The following CCDC93 variants were observed in gnomAD, a reference collection of about 807,000 sequenced individuals.
CCDC93 encodes coiled-coil domain-containing protein 93.
CCDC93 carries 61 observed loss-of-function variants against 108.2 expected under a neutral mutation model. The observed-to-expected ratio is 0.56, with a 90% confidence interval of 0.46 to 0.70. The LOEUF is 0.70. Ranked by LOEUF, CCDC93 falls within the 30% of genes least tolerant of loss-of-function variation. The pLI is 0.00. For synonymous variants in CCDC93, 276 were observed against 260.4 expected, an observed-to-expected ratio of 1.06 and a Z score of -0.58; for missense variants, 685 against 764.2, an observed-to-expected ratio of 0.90 and a Z score of 1.22.
At chr2:118,000,528 A>T (rs1317326681) in intron 4 of CCDC93, among the ~76,000 whole-genome samples, 1 of 152,220 alleles carries the variant, frequency 6.6e-6, no homozygotes, top group Non-Finnish European at 1.5e-5. Context: ...ATAGGTCAAA[A>T]GGGAACAGAG....
At chr2:117,969,708 T>C (rs1042988788) in intron 11 of CCDC93, among the ~76,000 whole-genome samples, 1 of 141,450 alleles carries the variant, frequency 7.1e-6, no homozygotes, top group Non-Finnish European at 1.6e-5. Context: ...TATGAGTATG[T>C]CCGAACATGG....
chr2:117,927,361 C>G (rs1442857867), intron 23 of CCDC93, among the ~76,000 whole-genome samples: 3 of 152,104 alleles, frequency 2.0e-5, no homozygotes, highest in Non-Finnish European at 4.4e-5. Context: ...GATTGTATAT[C>G]TAGAAAACCC....
Position 118,006,930 on chromosome 2 carries a change from T to A in CCDC93, c.157-114A>T, listed in dbSNP as rs546612672. 21 of 654,356 alleles carry A rather than the reference T, an allele frequency of 3.2e-5. 1 individual carries two copies. In the South Asian group the frequency reaches 3.9e-4, roughly 12 times the overall value. The allele number at this position is 654,356 out of a possible 1,614,324, so 40.5% of individuals were successfully genotyped here. A position where few individuals can be genotyped will look rare whatever the true frequency, so the allele number is the denominator to read the frequency against. On this transcript the variant is annotated intron_variant, in intron 2 of 23. Coordinates refer to ENST00000376300, the MANE Select transcript of CCDC93 (RefSeq NM_019044.5). The stretch of plus-strand genomic sequence containing the variant: ...AATAGACTCAGTAAACATACAAAAT[T>A]ATATATCTTGAGAGAGAGAGTGTGT...
chr2:118,003,722 G>A (rs1215310452), intron 3 of CCDC93, among the ~76,000 whole-genome samples: 1 of 152,042 alleles, frequency 6.6e-6, no homozygotes, highest in Non-Finnish European at 1.5e-5. Context: ...GCTATCACGG[G>A]TCATCCTAGG....
Position 117,915,968 on chromosome 2 carries a change from G to A in CCDC93, c.*4375C>T, listed in dbSNP as rs991899169. 6.6e-6 allele frequency: 1 copy of A among 152,172 alleles called. No homozygotes were observed. Among genetic ancestry groups the A allele is most frequent in the Non-Finnish European group, 1.5e-5 (1 of 68,030 alleles). The allele number at this position is 152,172 out of a possible 1,614,324, so 9.4% of individuals were successfully genotyped here. A position where few individuals can be genotyped will look rare whatever the true frequency, so the allele number is the denominator to read the frequency against. The stretch of plus-strand genomic sequence containing the variant: ...CCATAATGTATTTAACCATTCCCCT[G>A]TATTGGTGGCACTCTCCAACTTTTT... On this transcript the variant is annotated 3_prime_UTR_variant, in exon 24 of 24. Transcript: ENST00000376300.
intron 10 of CCDC93, 131 bp from the exon 11 acceptor site, chr2:117,974,125 G>A (rs1679855738): frequency 1.4e-6 from 1 of 712,264 alleles, no homozygotes; most frequent in Non-Finnish European, 2.5e-6. Context: ...AAATAATTTG[G>A]CTTTGCCACA....
chr2:117,944,776 A>G (rs1250378902), intron 17 of CCDC93: 2 of 471,188 alleles, frequency 4.2e-6, no homozygotes, highest in South Asian at 3.1e-5. Context: ...ACTTCACTGG[A>G]AGAGTGCTGA....
intron 23 of CCDC93, among the ~76,000 whole-genome samples, chr2:117,928,196 C>T (rs1334243836): frequency 4.6e-5 from 7 of 152,312 alleles, no homozygotes; most frequent in African/African-American, 1.7e-4. Flanking sequence ...AGGACATAGG[C>T]ATGGGCAAGG....
intron 12 of CCDC93, among the ~76,000 whole-genome samples, chr2:117,957,873 T>C (rs940697103): frequency 6.6e-6 from 1 of 152,084 alleles, no homozygotes; most frequent in African/African-American, 2.4e-5. Context: ...TTCCTAGACT[T>C]CTCCTTCAAG....
intron 11 of CCDC93, among the ~76,000 whole-genome samples, chr2:117,961,216 C>G (rs901900452): frequency 6.6e-6 from 1 of 152,000 alleles, no homozygotes; most frequent in Non-Finnish European, 1.5e-5. Context: ...GACAACCATA[C>G]AGAGAGAAAA....
intron 1 of CCDC93, among the ~76,000 whole-genome samples, chr2:118,011,128 C>T (rs28457273): frequency 0.26 from 38,790 of 152,012 alleles, 5,459 homozygotes; most frequent in East Asian, 0.4. Context: ...GAATGATCTA[C>T]TAATGCTTAC....
At chr2:117,991,262 G>C (rs1301410238) in intron 6 of CCDC93, among the ~76,000 whole-genome samples, 1 of 152,216 alleles carries the variant, frequency 6.6e-6, no homozygotes, top group Non-Finnish European at 1.5e-5. Context: ...GTCTTCAGAT[G>C]AGAAATCAGC....
chr2:117,958,421 G>C lies in CCDC93; in HGVS notation c.949C>G (p.Arg317Gly). The C allele has an allele frequency of 6.2e-7, 1 of 1,613,842 alleles. No individual in the cohort carries two copies. The highest frequency in any genetic ancestry group is 8.5e-7 in the Non-Finnish European group (1 of 1,179,782). The change falls in exon 12 of 24, where the codon CGG (arginine) becomes GGG (glycine). Residue 317 changes from arginine (R) to glycine (G), a missense_variant. Transcript: ENST00000376300. ...TGTTTGTTCAAGGAAATGACTTTCC[G>C]GCGATGTAGCTGGGAGGTTCCTAAT... ...EKLGTSQLHR[R>G]KVISLNKQIA... is the part of the protein sequence containing the mutation.
At chr2:117,950,058 G>C in intron 13 of CCDC93, 1 of 985,446 alleles carries the variant, frequency 1.0e-6, no homozygotes, top group South Asian at 4.7e-5. Flanking sequence ...ATACCCAGCA[G>C]AAATGGGGAG....
At chr2:117,955,778 A>T (rs1394598566) in intron 12 of CCDC93, among the ~76,000 whole-genome samples, 1 of 152,174 alleles carries the variant, frequency 6.6e-6, no homozygotes, top group African/African-American at 2.4e-5. Context: ...TATTACTGAC[A>T]GAGAGACGTC....
At chr2:117,966,941 C>T (rs1202220463) in intron 11 of CCDC93, among the ~76,000 whole-genome samples, 2 of 152,202 alleles carry the variant, frequency 1.3e-5, no homozygotes, top group African/African-American at 2.4e-5. Context: ...ATACACCTTG[C>T]TATGGAAATG....
chr2:117,915,846 CACTTAATCAT>C lies in CCDC93; in HGVS notation c.*4487_*4496del, dbSNP rs1677666730. 9.2e-5 allele frequency: 14 copies of C among 152,306 alleles called. No homozygotes were observed. The South Asian group carries it at 1.0e-3, about 11-fold the overall frequency. The allele number at this position is 152,306 out of a possible 1,614,324, so 9.4% of individuals were successfully genotyped here. A position where few individuals can be genotyped will look rare whatever the true frequency, so the allele number is the denominator to read the frequency against. On this transcript the variant is annotated 3_prime_UTR_variant, in exon 24 of 24. Coordinates refer to ENST00000376300, the MANE Select transcript of CCDC93 (RefSeq NM_019044.5). ...TTAGGATACCATGGGCTTTTTTCCT[CACTTAATCAT>C]GCATCTTGGGGCCCATTCTATGGTA...
At chr2:117,962,874 C>T (rs183423592) in intron 11 of CCDC93, among the ~76,000 whole-genome samples, 1 of 152,108 alleles carries the variant, frequency 6.6e-6, no homozygotes, top group East Asian at 1.9e-4. Flanking sequence ...AACTTTTTAC[C>T]ACATAAATCT....
chr2:117,923,791 C>T lies in CCDC93; in HGVS notation c.1843-3395G>A, dbSNP rs190657931. 2.6e-4 allele frequency among the ~76,000 whole-genome samples: 39 copies of T among 152,262 alleles called. No individual in the cohort carries two copies. In the East Asian group the frequency reaches 5.4e-3, roughly 21 times the overall value. On this transcript the variant is annotated intron_variant, in intron 23 of 23. Coordinates refer to ENST00000376300, the MANE Select transcript of CCDC93 (RefSeq NM_019044.5). ...AGCTTAGAAGAGAATAGTGTTTCTC[C>T]CAGCACGCAGCTGGAGATCTGAGAA...
Sources: allele counts gnomAD v4.1 joint callset (sites outside exome capture counted in the v4.1 genomes callset), GRCh38; gene constraint gnomAD v4.1.1; transcripts MANE v1.5; gene names NCBI Gene and HGNC (gene_info 2026-07-23, HGNC 2026-07-21).